Variants in ADGRG7 observed in about 807,000 individuals in gnomAD.
ADGRG7 encodes the protein G-protein coupled receptor 128.
ADGRG7 carries 82 observed loss-of-function variants against 88.6 expected under a neutral mutation model. The ratio of observed to expected loss-of-function variants is 0.93; its 90% CI spans 0.77 to 1.11. The LOEUF (loss-of-function observed/expected upper bound fraction) is 1.11, where lower values mean the gene tolerates loss of function less well. Ranked by LOEUF, ADGRG7 falls within the 50% of genes most tolerant of loss-of-function variation. The pLI is 0.00. For missense variants in ADGRG7, 945 were observed against 953.4 expected, an observed-to-expected ratio of 0.99 and a Z score of 0.12; for synonymous variants, 381 against 345.2, an observed-to-expected ratio of 1.10 and a Z score of -1.15.
At chr3:100,650,485 T>C (rs750921579) in intron 11 of ADGRG7, among the ~76,000 whole-genome samples, 3 of 152,230 alleles carry the variant, frequency 2.0e-5, no homozygotes, top group Non-Finnish European at 4.4e-5. Context: ...TTTCATGACA[T>C]TGAAATTTTT....
At chr3:100,615,227 A>G (rs146421214) in intron 1 of ADGRG7, among the ~76,000 whole-genome samples, 1 of 152,204 alleles carries the variant, frequency 6.6e-6, no homozygotes, top group African/African-American at 2.4e-5. Flanking sequence ...TTGATGAATA[A>G]CTAATGTCAC....
Position 100,629,639 on chromosome 3 carries a change from A to G in ADGRG7, c.157A>G (p.Arg53Gly). 1.2e-6 allele frequency: 2 copies of G among 1,613,420 alleles called. No individual in the cohort carries two copies. The highest frequency in any genetic ancestry group is 2.2e-5 in the East Asian group (1 of 44,844). ...SSSSTPTEFCRNGGTWENGRC... is the reference protein window; with the variant it reads ...SSSSTPTEFCGNGGTWENGRC... ...ATCAAGCACCCCTACAGAGTTCTGCAGGAATGGTGGAACCTGGGAAAATGG... is the reference window on the plus strand; with the variant it reads ...ATCAAGCACCCCTACAGAGTTCTGCGGGAATGGTGGAACCTGGGAAAATGG... The change falls in exon 2 of 16, where the codon AGG becomes GGG. Residue 53 changes from arginine to glycine, a missense_variant. By Grantham distance (125) the Arg-to-Gly change is moderately radical. Coordinates refer to ENST00000273352, the MANE Select transcript of ADGRG7 (RefSeq NM_032787.3).
chr3:100,676,563 T>A (rs971463772), intron 15 of ADGRG7, among the ~76,000 whole-genome samples: 1 of 152,094 alleles, frequency 6.6e-6, no homozygotes, highest in Non-Finnish European at 1.5e-5. Context: ...AGGAGAAGAA[T>A]GTGTATTCTG....
chr3:100,619,211 C>G (rs1707272253), intron 1 of ADGRG7, among the ~76,000 whole-genome samples: 2 of 152,176 alleles, frequency 1.3e-5, no homozygotes, highest in African/African-American at 4.8e-5. Context: ...AACTGTGTCT[C>G]AGACCACAGT....
chr3:100,669,188 T>A, intron 15 of ADGRG7, 83 bp downstream of exon 15: 2 of 1,193,832 alleles, frequency 1.7e-6, no homozygotes, highest in Non-Finnish European at 2.2e-6. Context: ...TTTAAGAGAC[T>A]ATTTTAAAAA....
chr3:100,650,620 G>A (rs1413907339), intron 11 of ADGRG7, among the ~76,000 whole-genome samples: 1 of 152,086 alleles, frequency 6.6e-6, no homozygotes, highest in African/African-American at 2.4e-5. Flanking sequence ...ATTTTTTTTA[G>A]TGTGACACAA....
rs774350693 is a variant in ADGRG7, at chr3:100,654,943, G to T, written c.1488G>T (p.Leu496Phe). ...VFGIENSNKNLQTSDGDINNI... is the reference protein window; with the variant it reads ...VFGIENSNKNFQTSDGDINNI... ...GAATTGAAAACTCCAATAAGAACTT[G>T]CAGACAAGTGATGGTGACATCAATA... The change falls in exon 12 of 16, where the codon TTG becomes TTT. Residue 496 changes from leucine to phenylalanine, a missense_variant. Physicochemically the swap from Leu to Phe is conservative, Grantham distance 22. Coordinates refer to ENST00000273352, the MANE Select transcript of ADGRG7 (RefSeq NM_032787.3). 1.9e-6 allele frequency: 3 copies of T among 1,613,842 alleles called. No homozygotes were observed. Among genetic ancestry groups the T allele is most frequent in the Non-Finnish European group, 2.5e-6 (3 of 1,179,906 alleles).
intron 14 of ADGRG7, among the ~76,000 whole-genome samples, chr3:100,667,643 G>A (rs547887961): frequency 6.6e-6 from 1 of 152,316 alleles, no homozygotes; most frequent in Non-Finnish European, 1.5e-5. Flanking sequence ...ACATACGTGT[G>A]CATATGTCTT....
At chr3:100,630,487 C>T (rs1025782623) in intron 2 of ADGRG7, among the ~76,000 whole-genome samples, 1 of 152,118 alleles carries the variant, frequency 6.6e-6, no homozygotes. Flanking sequence ...ATATTGTGCA[C>T]ATTTTAACTG....
intron 1 of ADGRG7, among the ~76,000 whole-genome samples, chr3:100,624,413 G>T (rs1218359748): frequency 6.6e-6 from 1 of 151,902 alleles, no homozygotes; most frequent in Non-Finnish European, 1.5e-5. Flanking sequence ...GTAAATTTAA[G>T]TTCCTTGTAG....
intron 1 of ADGRG7, among the ~76,000 whole-genome samples, chr3:100,619,541 G>A (rs1409917936): frequency 9.9e-5 from 15 of 151,900 alleles, no homozygotes; most frequent in African/African-American, 2.4e-4. Flanking sequence ...AGCAGAAGGC[G>A]AGAAATAACT....
intron 1 of ADGRG7, among the ~76,000 whole-genome samples, chr3:100,620,637 C>A (rs1397806476): frequency 6.6e-6 from 1 of 152,090 alleles, no homozygotes; most frequent in Non-Finnish European, 1.5e-5. Flanking sequence ...ACCCAGAATT[C>A]CTACCTTATC....
chr3:100,635,433 A>G (rs945217432), intron 4 of ADGRG7: 43 of 652,370 alleles, frequency 6.6e-5, no homozygotes, highest in Non-Finnish European at 8.6e-5. Flanking sequence ...AGTAGCCCCA[A>G]TCTAGCTAAG....
At chr3:100,673,798 G>C (rs1008674864) in intron 15 of ADGRG7, among the ~76,000 whole-genome samples, 5 of 151,952 alleles carry the variant, frequency 3.3e-5, no homozygotes, top group Non-Finnish European at 7.4e-5. Context: ...CTATTTTGTT[G>C]ATCTTTTCAA....
chr3:100,652,750 TAC>T (rs1239563210), intron 11 of ADGRG7, among the ~76,000 whole-genome samples: 6 of 151,634 alleles, frequency 4.0e-5, no homozygotes, highest in Non-Finnish European at 8.8e-5. Context: ...ACACCATACA[TAC>T]ACACACACCA....
intron 1 of ADGRG7, among the ~76,000 whole-genome samples, chr3:100,621,256 C>G (rs1481570816): frequency 6.6e-6 from 1 of 152,058 alleles, no homozygotes; most frequent in African/African-American, 2.4e-5. Context: ...TTGCATGTCT[C>G]TCACTTGGAA....
chr3:100,621,184 G>A (rs1718278), intron 1 of ADGRG7, among the ~76,000 whole-genome samples: 43,833 of 151,784 alleles, frequency 0.29, 6,743 homozygotes, highest in Non-Finnish European at 0.34. Flanking sequence ...ACACAACATC[G>A]TTGAAATTAG....
chr3:100,686,896 G>T (rs1272308525), intron 15 of ADGRG7, among the ~76,000 whole-genome samples: 1 of 152,154 alleles, frequency 6.6e-6, no homozygotes, highest in Non-Finnish European at 1.5e-5. Context: ...CTTTAAAGTA[G>T]TTTTTTCCAA....
rs1198236999 is a variant in ADGRG7, at chr3:100,665,235, C to A, written c.1980-3714C>A. The stretch of plus-strand genomic sequence containing the variant: ...AAAATAAAGCACGGAGGATATGGAA[C>A]TCTCCCATCCATTATGTTGATATTT... On this transcript the variant is annotated intron_variant, in intron 14 of 15. Transcript: ENST00000273352. The A allele has an allele frequency of 2.2e-5, 12 of 540,228 alleles. No individual in the cohort carries two copies. The Admixed American group carries it at 2.3e-4, about 10-fold the overall frequency. 33.5% of individuals were successfully genotyped at this position (540,228 alleles called of 1,614,324 possible).
Sources: allele counts gnomAD v4.1 joint callset (sites outside exome capture counted in the v4.1 genomes callset), GRCh38; gene constraint gnomAD v4.1.1; transcripts MANE v1.5; gene names NCBI Gene and HGNC (gene_info 2026-07-23, HGNC 2026-07-21).